Variants in CBFB observed in about 807,000 individuals in gnomAD.
The protein encoded by CBFB is core-binding factor subunit beta.
CBFB carries 9 observed loss-of-function variants against 30.4 expected under a neutral mutation model. The ratio of observed to expected loss-of-function variants is 0.30; its 90% CI spans 0.18 to 0.52. CBFB has a LOEUF of 0.52. Ranked by LOEUF, CBFB falls within the 20% of genes least tolerant of loss-of-function variation. The probability of loss-of-function intolerance (pLI) is 0.97; values close to 1 mark genes in which losing one functional copy is unlikely to be tolerated. For missense variants in CBFB, 170 were observed against 244.0 expected, an observed-to-expected ratio of 0.70 and a Z score of 2.02; for synonymous variants, 94 against 84.0, an observed-to-expected ratio of 1.12 and a Z score of -0.65.
At chr16:67,093,510 G>C (rs1961960002) in intron 5 of CBFB, 1 of 151,504 alleles carries the variant, frequency 6.6e-6, no homozygotes, top group Non-Finnish European at 1.5e-5. Flanking sequence ...TCAAGCTGCT[G>C]GTGTGTGTTC....
At chr16:67,082,333 G>T (rs1486439748) in intron 5 of CBFB, 25 bp downstream of exon 5, 3 of 1,611,908 alleles carry the variant, frequency 1.9e-6, no homozygotes, top group Non-Finnish European at 2.5e-6. Context: ...GCTGCTGGCA[G>T]TAACTGGTTA....
chr16:67,049,624 G>A (rs1176243741), intron 3 of CBFB, among the ~76,000 whole-genome samples: 1 of 151,988 alleles, frequency 6.6e-6, no homozygotes, highest in African/African-American at 2.4e-5. Flanking sequence ...TGGGACTGTA[G>A]GCACATGCCA....
intron 4 of CBFB, among the ~76,000 whole-genome samples, chr16:67,069,889 C>T (rs992692760): frequency 2.0e-5 from 3 of 151,840 alleles, no homozygotes; most frequent in South Asian, 2.1e-4. Context: ...TTTGGGAGAC[C>T]GAAGTGGGAG....
intron 3 of CBFB, among the ~76,000 whole-genome samples, chr16:67,042,861 A>G (rs1312646882): frequency 6.6e-6 from 1 of 151,982 alleles, no homozygotes; most frequent in Non-Finnish European, 1.5e-5. Flanking sequence ...TCAGCCTCTC[A>G]AGTAGCTGGG....
intron 3 of CBFB, among the ~76,000 whole-genome samples, chr16:67,058,201 C>T (rs1960785928): frequency 6.6e-6 from 1 of 152,090 alleles, no homozygotes; most frequent in Admixed American, 6.6e-5. Context: ...AGTGCAGTGG[C>T]ACCATCTTGG....
chr16:67,063,600 C>T (rs1349809193), intron 3 of CBFB, among the ~76,000 whole-genome samples: 2 of 152,034 alleles, frequency 1.3e-5, no homozygotes, highest in African/African-American at 4.8e-5. Context: ...CACACCCACG[C>T]CCAGTTAATT....
At chr16:67,046,944 TATC>T (rs1226572818) in intron 3 of CBFB, among the ~76,000 whole-genome samples, 1 of 152,194 alleles carries the variant, frequency 6.6e-6, no homozygotes, top group Non-Finnish European at 1.5e-5. Context: ...TGGAAAGTAT[TATC>T]TGTTATAAGC....
intron 5 of CBFB, among the ~76,000 whole-genome samples, chr16:67,091,830 A>G (rs1211959828): frequency 2.6e-5 from 4 of 152,188 alleles, no homozygotes; most frequent in South Asian, 2.1e-4. Context: ...TGCTGCATCT[A>G]TCAACCCATC....
intron 5 of CBFB, among the ~76,000 whole-genome samples, chr16:67,082,698 C>G (rs140538758): frequency 0.015 from 2,296 of 152,026 alleles, 16 homozygotes; most frequent in Non-Finnish European, 0.024. Context: ...TTCCATTTTT[C>G]TATGAATATT....
At chr16:67,095,837 C>T (rs1262865837) in intron 5 of CBFB, among the ~76,000 whole-genome samples, 3 of 151,816 alleles carry the variant, frequency 2.0e-5, no homozygotes, top group South Asian at 2.1e-4. Context: ...GGAATACAGG[C>T]GCATGCCACC....
intron 3 of CBFB, among the ~76,000 whole-genome samples, chr16:67,042,516 C>G (rs554965829): frequency 6.6e-6 from 1 of 152,164 alleles, no homozygotes; most frequent in African/African-American, 2.4e-5. Context: ...AGTCACCCCC[C>G]CAAAGGTTTC....
intron 2 of CBFB, among the ~76,000 whole-genome samples, chr16:67,035,032 T>C (rs1214190845): frequency 6.6e-6 from 1 of 151,626 alleles, no homozygotes; most frequent in Non-Finnish European, 1.5e-5. Flanking sequence ...TTAACTAGTG[T>C]TGGGGGGTTT....
intron 4 of CBFB, among the ~76,000 whole-genome samples, chr16:67,070,914 A>AT (rs1157949582): frequency 6.6e-6 from 1 of 152,198 alleles, no homozygotes; most frequent in Non-Finnish European, 1.5e-5. Context: ...AATTTTTAAC[A>AT]TTTTTTATAC....
chr16:67,075,265 T>C (rs894606969), intron 4 of CBFB, among the ~76,000 whole-genome samples: 8 of 150,812 alleles, frequency 5.3e-5, no homozygotes, highest in Non-Finnish European at 8.8e-5. Flanking sequence ...TGAGAAAATA[T>C]TTTCATTGAA....
intron 4 of CBFB, among the ~76,000 whole-genome samples, chr16:67,071,492 C>T (rs564037324): frequency 1.1e-4 from 17 of 152,214 alleles, no homozygotes; most frequent in African/African-American, 3.6e-4. Flanking sequence ...AGGTTCCTCA[C>T]GGGGAACCAA....
At position 67,099,537 on chromosome 16, in the gene CBFB, T is replaced by C. The variant is rs1962157794; in HGVS notation, c.*759T>C. 9.9e-6 allele frequency: 2 copies of C among 201,540 alleles called. No homozygotes were observed. Among genetic ancestry groups the C allele is most frequent in the Non-Finnish European group, 2.0e-5 (2 of 97,872 alleles). The allele number at this position is 201,540 out of a possible 1,614,324, so 12.5% of individuals were successfully genotyped here. ...CCAGAGTACTGGGATTACAGGCTCT[T>C]TCTTTTTAAACATAAAAGTTTTAAA... On this transcript the variant is annotated 3_prime_UTR_variant, in exon 6 of 6. Coordinates refer to ENST00000412916, the MANE Select transcript of CBFB (RefSeq NM_022845.3).
intron 2 of CBFB, among the ~76,000 whole-genome samples, chr16:67,035,533 A>G (rs567017949): frequency 5.3e-5 from 8 of 152,250 alleles, no homozygotes; most frequent in Non-Finnish European, 1.2e-4. Context: ...TGACAAGTGT[A>G]CCGACAGTGC....
intron 3 of CBFB, among the ~76,000 whole-genome samples, chr16:67,046,487 C>T (rs1210692010): frequency 6.6e-6 from 1 of 152,034 alleles, no homozygotes; most frequent in Non-Finnish European, 1.5e-5. Context: ...ACTGCTATGC[C>T]CTAGTTTTAC....
intron 3 of CBFB, among the ~76,000 whole-genome samples, chr16:67,059,772 G>A (rs551830435): frequency 3.9e-4 from 60 of 152,008 alleles, no homozygotes; most frequent in African/African-American, 1.4e-3. Flanking sequence ...GCTTACTCTG[G>A]GGGTCTCTTC....
Sources: allele counts gnomAD v4.1 joint callset (sites outside exome capture counted in the v4.1 genomes callset), GRCh38; gene constraint gnomAD v4.1.1; transcripts MANE v1.5; gene names NCBI Gene and HGNC (gene_info 2026-07-23, HGNC 2026-07-21).